ANKMY2: variants seen among roughly 807,000 people sequenced by gnomAD.
ANKMY2 encodes the protein ankyrin repeat and MYND domain containing 2, also known as ankyrin repeat and MYND domain-containing protein 2.
Under a neutral mutation model 50.4 loss-of-function variants are expected in ANKMY2, and 36 were observed. That is an observed-to-expected ratio of 0.71 (90% CI 0.55 to 0.94). ANKMY2 has a LOEUF of 0.94. Among genes scored for constraint, ANKMY2 ranks in the 40% least tolerant of loss-of-function variants. ANKMY2 has a pLI of 0.00. For missense variants in ANKMY2, 565 were observed against 524.0 expected (o/e 1.08, Z -0.76); for synonymous variants, 187 against 178.8 (o/e 1.05, Z -0.36).
In ANKMY2 at chr7:16,634,720, A is replaced by G. The variant is rs6943060; in HGVS notation, c.132+1671T>C. Among the ~76,000 whole-genome samples, 1,115 of 152,318 alleles carry G rather than the reference A, an allele frequency of 7.3e-3. 13 individuals carry two copies. Among genetic ancestry groups the G allele is most frequent in the African/African-American group, 0.026 (1,064 of 41,562 alleles). ...CCAGCCAGGCTTGAAAACCTCAAGC[A>G]TCTGAGAACATTGCATAGAGGACAA... On this transcript the variant is annotated intron_variant, in intron 2 of 9. Coordinates refer to ENST00000306999, the MANE Select transcript of ANKMY2 (RefSeq NM_020319.3).
intron 5 of ANKMY2, among the ~76,000 whole-genome samples, chr7:16,615,268 G>A (rs1781324510): frequency 6.6e-6 from 1 of 152,052 alleles, no homozygotes. Flanking sequence ...CTTTTTACCA[G>A]GCCTGTATAC....
chr7:16,627,291 A>T, intron 2 of ANKMY2, 113 bp from the exon 3 acceptor site: 1 of 589,462 alleles, frequency 1.7e-6, no homozygotes, highest in Non-Finnish European at 2.7e-6. Flanking sequence ...TAAAATGGTC[A>T]TTATAATATG....
chr7:16,620,591 TAC>T (rs58418780), intron 4 of ANKMY2, among the ~76,000 whole-genome samples: 25,725 of 145,124 alleles, frequency 0.18, 2,448 homozygotes, highest in Middle Eastern at 0.28. Flanking sequence ...AATACATGTG[TAC>T]ACACACACAC....
At chr7:16,627,389 G>A (rs994084145) in intron 2 of ANKMY2, among the ~76,000 whole-genome samples, 1 of 152,102 alleles carries the variant, frequency 6.6e-6, no homozygotes, top group Admixed American at 6.5e-5. Context: ...TTACGGATTA[G>A]CAAACAGATT....
chr7:16,625,321 G>C (rs534556942), intron 3 of ANKMY2, among the ~76,000 whole-genome samples: 6 of 152,268 alleles, frequency 3.9e-5, no homozygotes, highest in East Asian at 3.9e-4. Context: ...GTATGGAATT[G>C]AATACTGCCT....
In ANKMY2 at chr7:16,644,650, G is replaced by A. The variant is rs1265276511; in HGVS notation, c.67+857C>T. Reference sequence around the variant, plus strand: ...CGCATCACCATCCCTGCACCGTGAGGGTGCAGAAGAAGCATGCAGTCACGC... The same window carrying A: ...CGCATCACCATCCCTGCACCGTGAGAGTGCAGAAGAAGCATGCAGTCACGC... On this transcript the variant is annotated intron_variant, in intron 1 of 9. Transcript: ENST00000306999. 4 of 470,700 alleles carry A rather than the reference G, an allele frequency of 8.5e-6. No homozygotes were observed. The East Asian group carries it at 2.1e-4, about 25-fold the overall frequency. The allele number at this position is 470,700 out of a possible 1,614,324, so 29.2% of individuals were successfully genotyped here.
intron 4 of ANKMY2, 52 bp from the exon 5 acceptor site, chr7:16,615,956 T>A: frequency 6.6e-7 from 1 of 1,513,532 alleles, no homozygotes. Flanking sequence ...AAATAACACA[T>A]CTGGTTTTTA....
chr7:16,618,222 A>G, intron 4 of ANKMY2, among the ~76,000 whole-genome samples: 1 of 152,088 alleles, frequency 6.6e-6, no homozygotes, highest in African/African-American at 2.4e-5. Context: ...CACCATGCCC[A>G]GCCAAAGCTG....
rs779964987 is a variant in ANKMY2, at chr7:16,604,689, G to A, written c.1011+32C>T. The stretch of plus-strand genomic sequence containing the variant: ...TCAGCTTGGCTGCATCTAAACCAGA[G>A]GTCAATGAAATAAAAAGAACTCCAT... On this transcript the variant is annotated intron_variant, in intron 8 of 9. Coordinates refer to ENST00000306999, the MANE Select transcript of ANKMY2 (RefSeq NM_020319.3). 6 of 1,606,150 alleles carry A rather than the reference G, an allele frequency of 3.7e-6. 1 individual carries two copies. In the Admixed American group the frequency reaches 8.4e-5, roughly 23 times the overall value.
At chr7:16,623,552 T>TAATTCCCCTGC (rs1781470866) in intron 4 of ANKMY2, among the ~76,000 whole-genome samples, 1 of 152,216 alleles carries the variant, frequency 6.6e-6, no homozygotes, top group African/African-American at 2.4e-5. Flanking sequence ...AGAGATCACC[T>TAATTCCCCTGC]AATTCCCCTG....
chr7:16,634,998 T>A (rs915083977), intron 2 of ANKMY2, among the ~76,000 whole-genome samples: 2 of 151,852 alleles, frequency 1.3e-5, no homozygotes, highest in African/African-American at 4.8e-5. Flanking sequence ...ATACAACCCA[T>A]AAAGAGAAGA....
At chr7:16,636,337 T>C (rs1316131232) in intron 2 of ANKMY2, 54 bp downstream of exon 2, 1 of 508,362 alleles carries the variant, frequency 2.0e-6, no homozygotes, top group Non-Finnish European at 3.4e-6. Context: ...AAAAAGGATA[T>C]ATTATCTCTT....
chr7:16,617,819 T>C lies in ANKMY2; in HGVS notation c.371-1915A>G, dbSNP rs1781377600. Among the ~76,000 whole-genome samples, 3 of 151,780 alleles carry C rather than the reference T, an allele frequency of 2.0e-5. No homozygotes were observed. In the South Asian group the frequency reaches 6.2e-4, roughly 31 times the overall value. On this transcript the variant is annotated intron_variant, in intron 4 of 9. Transcript: ENST00000306999. ...CGTTTCTACAAATAATTTAAAAAAT[T>C]AGCTGGATACAGTGGTATGTGCCTG...
At chr7:16,626,706 G>A (rs1781511833) in intron 3 of ANKMY2, among the ~76,000 whole-genome samples, 1 of 152,134 alleles carries the variant, frequency 6.6e-6, no homozygotes, top group African/African-American at 2.4e-5. Context: ...TTGATCAAGA[G>A]AAGAAAGAAG....
At chr7:16,619,214 C>T (rs1019867818) in intron 4 of ANKMY2, among the ~76,000 whole-genome samples, 6 of 149,424 alleles carry the variant, frequency 4.0e-5, no homozygotes, top group Middle Eastern at 6.9e-3. Context: ...AGTGCAATGG[C>T]GCGATCTTGG....
At chr7:16,629,096 G>C (rs546367942) in intron 2 of ANKMY2, among the ~76,000 whole-genome samples, 4 of 152,118 alleles carry the variant, frequency 2.6e-5, no homozygotes, top group African/African-American at 7.2e-5. Context: ...GCCCATTTAC[G>C]TGTCTCCTAT....
Position 16,645,661 on chromosome 7 carries a change from G to T in ANKMY2, c.-88C>A. On this transcript the variant is annotated 5_prime_UTR_variant, in exon 1 of 10. Transcript: ENST00000306999. ...CTGTATTGGGAACGCCAGCCGCAATGAGGCAACTTGAGACCAAGACACTGA... is the reference window on the plus strand; with the variant it reads ...CTGTATTGGGAACGCCAGCCGCAATTAGGCAACTTGAGACCAAGACACTGA... 7.1e-7 allele frequency: 1 copy of T among 1,404,502 alleles called. No homozygotes were observed. The highest frequency in any genetic ancestry group is 9.7e-7 in the Non-Finnish European group (1 of 1,030,204). The allele number at this position is 1,404,502 out of a possible 1,614,324, so 87.0% of individuals were successfully genotyped here. A position where few individuals can be genotyped will look rare whatever the true frequency, so the allele number is the denominator to read the frequency against.
In ANKMY2 at chr7:16,604,849, C is replaced by G; in HGVS notation, c.883G>C (p.Gly295Arg). ...LVRSIAPVEI[G>R]SDPTAFSVLT... Reference sequence around the variant, plus strand: ...ACGGAGAATGCAGTGGGATCAGAACCCTAGAGTGGGCATGAAGAGGAGAAA... The same window carrying G: ...ACGGAGAATGCAGTGGGATCAGAACGCTAGAGTGGGCATGAAGAGGAGAAA... Residue 295 changes from glycine to arginine, a missense_variant and splice_region_variant, in exon 8 of 10, where the codon GGT (glycine) becomes CGT (arginine). Transcript: ENST00000306999. 1 of 1,606,220 alleles carries G rather than the reference C, an allele frequency of 6.2e-7. No homozygotes were observed. The highest frequency in any genetic ancestry group is 8.5e-7 in the Non-Finnish European group (1 of 1,177,192).
chr7:16,622,336 C>T (rs1781447148), intron 4 of ANKMY2, among the ~76,000 whole-genome samples: 2 of 152,074 alleles, frequency 1.3e-5, no homozygotes, highest in Non-Finnish European at 2.9e-5. Context: ...TCACAATGTA[C>T]CATCTTTTTA....
Sources: gnomAD v4.1 joint callset for allele counts (sites outside exome capture counted in the v4.1 genomes callset) on GRCh38, gnomAD v4.1.1 for gene constraint, MANE v1.5 for transcripts, NCBI Gene and HGNC (gene_info 2026-07-23, HGNC 2026-07-21) for gene names.